The following SERPINB8 variants were observed in gnomAD, a reference collection of about 807,000 sequenced individuals.
The protein encoded by SERPINB8 is serpin B8.
SERPINB8 carries 25 observed loss-of-function variants against 35.3 expected under a neutral mutation model. The observed-to-expected ratio is 0.71, with a 90% CI of 0.52 to 0.99. The LOEUF (loss-of-function observed/expected upper bound fraction) is 0.99, where lower values mean the gene tolerates loss of function less well. Among genes scored for constraint, SERPINB8 ranks in the 50% least tolerant of loss-of-function variants. SERPINB8 has a pLI of 0.00. For synonymous variants in SERPINB8, 186 were observed against 160.8 expected (o/e 1.16, Z -1.19); for missense variants, 484 against 446.5 (o/e 1.08, Z -0.76).
At chr18:63,991,208 A>G (rs667216), downstream of SERPINB8, among the ~76,000 whole-genome samples, 26,921 of 152,152 alleles carry the variant, frequency 0.18, 2,841 homozygotes, top group African/African-American at 0.3. Context: ...TCAGTCCTCT[A>G]TCTTTCCCTG....
Position 63,978,336 on chromosome 18 carries a change from A to C in SERPINB8, c.28A>C (p.Thr10Pro), listed in dbSNP as rs774360844. 1 of 1,614,140 alleles carries C rather than the reference A, an allele frequency of 6.2e-7. No individual in the cohort carries two copies. Among genetic ancestry groups the C allele is most frequent in the Non-Finnish European group, 8.5e-7 (1 of 1,180,020 alleles). The stretch of plus-strand genomic sequence containing the variant: ...GGATGACCTCTGTGAAGCAAATGGC[A>C]CTTTTGCCATCAGCTTATTTAAAAT... MDDLCEANG[T>P]FAISLFKILG... is the part of the protein sequence containing the mutation. The change falls in exon 2 of 7, where the codon ACT becomes CCT. Residue 10 changes from threonine to proline, a missense_variant. Physicochemically the swap from Thr to Pro is conservative, Grantham distance 38. Coordinates refer to ENST00000397985, the MANE Select transcript of SERPINB8 (RefSeq NM_002640.4).
Position 63,985,088 on chromosome 18 carries a change from G to GT in SERPINB8, c.568-3dup. The GT allele has an allele frequency of 6.2e-7, 1 of 1,611,998 alleles. No individual in the cohort carries two copies. On this transcript the variant is annotated splice_polypyrimidine_tract_variant and splice_region_variant and intron_variant, in intron 5 of 6. Transcript: ENST00000397985. ...TCAGTAATCGAACTTTAATTTTTCCGTTAGGAAAAAAAGACAGTGCAGATG... is the reference window on the plus strand; with the variant it reads ...TCAGTAATCGAACTTTAATTTTTCCGTTTAGGAAAAAAAGACAGTGCAGATG...
chr18:64,010,762 A>G (rs2050922476), intron 7 of SERPINB8, among the ~76,000 whole-genome samples: 1 of 152,078 alleles, frequency 6.6e-6, no homozygotes, highest in Admixed American at 6.6e-5. Flanking sequence ...TGTTTTTTTA[A>G]GGTGCATATA....
intron 1 of SERPINB8, among the ~76,000 whole-genome samples, chr18:63,995,632 G>A (rs2050845511): frequency 6.6e-6 from 1 of 152,142 alleles, no homozygotes; most frequent in South Asian, 2.1e-4. Context: ...CATCTTAGTG[G>A]GACATGGGAA....
At chr18:63,977,508 A>C (rs2050600420) in intron 1 of SERPINB8, among the ~76,000 whole-genome samples, 1 of 152,002 alleles carries the variant, frequency 6.6e-6, no homozygotes. Context: ...TTGAATTTTC[A>C]ATAGAGATGG....
At chr18:63,986,391 A>G (rs1036260864) in intron 6 of SERPINB8, 4 of 1,550,794 alleles carry the variant, frequency 2.6e-6, no homozygotes, top group Non-Finnish European at 2.6e-6. Flanking sequence ...CTTCATCTTC[A>G]GATGAAACAC....
At chr18:64,008,643 A>G (rs1248509991), downstream of SERPINB8, among the ~76,000 whole-genome samples, 1 of 152,150 alleles carries the variant, frequency 6.6e-6, no homozygotes, top group Non-Finnish European at 1.5e-5. Flanking sequence ...GTATTCCTAG[A>G]TTATATGATT....
exon 2 of SERPINB8, chr18:64,005,113 A>G: frequency 2.9e-6 from 1 of 348,278 alleles, no homozygotes; most frequent in East Asian, 4.2e-5. Context: ...GGATTTGGTT[A>G]TGGTAGTTAT....
intron 1 of SERPINB8, among the ~76,000 whole-genome samples, chr18:63,976,552 T>A (rs1372598627): frequency 6.6e-6 from 1 of 152,198 alleles, no homozygotes; most frequent in East Asian, 1.9e-4. Flanking sequence ...GAAGCTTTTT[T>A]AAAAGATTTA....
chr18:64,012,606 G>A lies in SERPINB8; in HGVS notation c.*3-6304G>A, dbSNP rs538679828. ...GTGTGTGTGTGCGTGTGTGTGTAATGACTTCTTGAGTTAGCTAAAAATCCT... is the reference window on the plus strand; with the variant it reads ...GTGTGTGTGTGCGTGTGTGTGTAATAACTTCTTGAGTTAGCTAAAAATCCT... On this transcript the variant is annotated intron_variant, in intron 7 of 7. Transcript: ENST00000636430. 2.6e-5 allele frequency among the ~76,000 whole-genome samples: 4 copies of A among 151,552 alleles called. No individual in the cohort carries two copies. In the East Asian group the frequency reaches 7.8e-4, roughly 29 times the overall value.
intron 7 of SERPINB8, among the ~76,000 whole-genome samples, chr18:64,012,932 T>A (rs1311883064): frequency 6.6e-6 from 1 of 151,994 alleles, no homozygotes; most frequent in African/African-American, 2.4e-5. Flanking sequence ...CCCGGAGGGG[T>A]GGCCCCTTCT....
At chr18:63,974,760 C>T (rs1457765625) in intron 1 of SERPINB8, among the ~76,000 whole-genome samples, 1 of 152,130 alleles carries the variant, frequency 6.6e-6, no homozygotes, top group Non-Finnish European at 1.5e-5. Context: ...GATTGGAACA[C>T]CAGGAAGACA....
intron 1 of SERPINB8, among the ~76,000 whole-genome samples, chr18:63,972,745 G>T (rs1315360261): frequency 2.6e-5 from 4 of 151,304 alleles, no homozygotes; most frequent in Admixed American, 6.6e-5. Context: ...TGGTGTTTGG[G>T]TTTCTGTCTT....
chr18:64,006,522 C>A (rs1405593429), downstream of SERPINB8, among the ~76,000 whole-genome samples: 1 of 152,132 alleles, frequency 6.6e-6, no homozygotes, highest in Non-Finnish European at 1.5e-5. Flanking sequence ...AGAGGGTCCT[C>A]TCTAGAACCC....
intron 7 of SERPINB8, among the ~76,000 whole-genome samples, chr18:64,013,273 G>A (rs1310714050): frequency 1.3e-5 from 2 of 151,752 alleles, no homozygotes; most frequent in African/African-American, 4.9e-5. Flanking sequence ...TATGTGTACT[G>A]AGCAAGTTCC....
chr18:63,994,349 C>G (rs751686884), downstream of SERPINB8, among the ~76,000 whole-genome samples: 44 of 152,142 alleles, frequency 2.9e-4, no homozygotes, highest in Non-Finnish European at 4.4e-4. Flanking sequence ...CTCTCTCTCT[C>G]TCTCTCTCAA....
At position 63,980,014 on chromosome 18, in the gene SERPINB8, A is replaced by G. The variant is rs540392808; in HGVS notation, c.306+76A>G. 1.9e-5 allele frequency: 28 copies of G among 1,446,546 alleles called. No individual in the cohort carries two copies. In the East Asian group the frequency reaches 6.0e-4, roughly 31 times the overall value. 89.6% of individuals were successfully genotyped at this position (1,446,546 alleles called of 1,614,324 possible). On this transcript the variant is annotated intron_variant, in intron 3 of 6. Coordinates refer to ENST00000397985, the MANE Select transcript of SERPINB8 (RefSeq NM_002640.4). ...TACAGAAGAGCAGATAATAAAGTAT[A>G]ACTGTACTGACTTAAAACGTGCTTG...
At chr18:64,009,044 C>T (rs559419372), downstream of SERPINB8, among the ~76,000 whole-genome samples, 2 of 152,240 alleles carry the variant, frequency 1.3e-5, no homozygotes, top group East Asian at 3.9e-4. Flanking sequence ...GAGCAATTTG[C>T]ATTTTTATGC....
rs557136118 is a variant in SERPINB8 at position 63,986,510 on chromosome 18, ATC to A, written c.721-359_721-358del. 6 of 1,345,540 alleles carry A rather than the reference ATC, an allele frequency of 4.5e-6. No individual in the cohort carries two copies. In the African/African-American group the frequency reaches 9.0e-5, roughly 20 times the overall value. 83.4% of individuals were successfully genotyped at this position (1,345,540 alleles called of 1,614,324 possible). ...CATGCTCTTTGTCTTTTGTCAAACA[ATC>A]TCTCCCACTCACAGTAGTATGTATT... On this transcript the variant is annotated intron_variant, in intron 6 of 6. Coordinates refer to ENST00000397985, the MANE Select transcript of SERPINB8 (RefSeq NM_002640.4).
Sources: gnomAD v4.1 joint callset for allele counts (sites outside exome capture counted in the v4.1 genomes callset) on GRCh38, gnomAD v4.1.1 for gene constraint, MANE v1.5 for transcripts, NCBI Gene and HGNC (gene_info 2026-07-23, HGNC 2026-07-21) for gene names.